Variants in CTBP2 observed in about 807,000 individuals in gnomAD.
CTBP2 encodes C-terminal-binding protein 2.
In CTBP2, 30 loss-of-function variants were observed where a neutral mutation model predicts 80.3. That is an observed-to-expected ratio of 0.37 (90% CI 0.28 to 0.51). The LOEUF (loss-of-function observed/expected upper bound fraction) is 0.51. Among genes scored for constraint, CTBP2 ranks in the 20% least tolerant of loss-of-function variants. The pLI, the probability that CTBP2 is intolerant of heterozygous loss-of-function variation, is 0.93. For synonymous variants in CTBP2, 594 were observed against 587.4 expected, an observed-to-expected ratio of 1.01 and a Z score of -0.16; for missense variants, 1,212 against 1,375.3, an observed-to-expected ratio of 0.88 and a Z score of 1.88.
intron 1 of CTBP2, among the ~76,000 whole-genome samples, chr10:125,138,800 T>C (rs145135610): frequency 3.9e-4 from 60 of 152,328 alleles, no homozygotes; most frequent in African/African-American, 1.4e-3. Context: ...ACCTTGATTC[T>C]TGGGTGCAAG....
Position 124,993,349 on chromosome 10 carries a change from A to G in CTBP2, c.2532-20T>C, listed in dbSNP as rs1952976990. On this transcript the variant is annotated intron_variant, in intron 6 of 8. Coordinates refer to ENST00000309035, the MANE Select transcript of CTBP2 (RefSeq NM_022802.3). Reference sequence around the variant, plus strand: ...GCAAAGCTAGAAAAATGTAGAAAAAACAGAGTAAGCGGGAAATGTCGCATA... The same window carrying G: ...GCAAAGCTAGAAAAATGTAGAAAAAGCAGAGTAAGCGGGAAATGTCGCATA... 6.2e-7 allele frequency: 1 copy of G among 1,603,156 alleles called. No individual in the cohort carries two copies. The highest frequency in any genetic ancestry group is 8.5e-7 in the Non-Finnish European group (1 of 1,171,260).
chr10:124,989,752 T>C (rs915673508), intron 8 of CTBP2, 54 bp from the exon 11 acceptor site: 11 of 1,475,124 alleles, frequency 7.5e-6, no homozygotes, highest in Non-Finnish European at 1.0e-5. Context: ...GTTGCCAAGC[T>C]CTTGGCTCTT....
intron 2 of CTBP2, among the ~76,000 whole-genome samples, chr10:125,106,548 G>A (rs1174681698): frequency 3.3e-5 from 5 of 152,190 alleles, no homozygotes; most frequent in African/African-American, 1.2e-4. Flanking sequence ...TGAGGATCAC[G>A]GAAAGAGAAG....
At chr10:125,081,927 A>T (rs533988441) in intron 2 of CTBP2, among the ~76,000 whole-genome samples, 2 of 151,976 alleles carry the variant, frequency 1.3e-5, no homozygotes, top group Admixed American at 1.3e-4. Flanking sequence ...GTGGCCACCG[A>T]GAACCCACCC....
At chr10:125,094,361 G>C (rs1283326115) in intron 2 of CTBP2, among the ~76,000 whole-genome samples, 2 of 152,204 alleles carry the variant, frequency 1.3e-5, no homozygotes, top group Non-Finnish European at 1.5e-5. Context: ...CAGGCATGTG[G>C]CGACGGCTCA....
chr10:125,039,566 C>T (rs771512910), intron 2 of CTBP2, among the ~76,000 whole-genome samples: 2 of 152,208 alleles, frequency 1.3e-5, no homozygotes, highest in African/African-American at 2.4e-5. Flanking sequence ...CACACCGTGG[C>T]GACTCGAGGG....
chr10:125,107,335 C>T lies in CTBP2; in HGVS notation c.-102+3655G>A, dbSNP rs148811031. The stretch of plus-strand genomic sequence containing the variant: ...GCCCAAACACTGGAGCAGGATCACA[C>T]GGCCCTAGCAAAGGCCCCACGGATG... On this transcript the variant is annotated intron_variant, in intron 2 of 10. Transcript: ENST00000337195. Among the ~76,000 whole-genome samples, 233 of 152,334 alleles carry T rather than the reference C, an allele frequency of 1.5e-3. 4 individuals carry two copies. The East Asian group carries it at 0.017, about 11-fold the overall frequency.
chr10:125,106,896 AC>A (rs1441776345), intron 2 of CTBP2, among the ~76,000 whole-genome samples: 2 of 152,240 alleles, frequency 1.3e-5, no homozygotes, highest in Non-Finnish European at 2.9e-5. Flanking sequence ...GGAGGGCGTG[AC>A]CCCTGTGTGA....
chr10:125,070,214 G>A (rs1490160834), intron 2 of CTBP2, among the ~76,000 whole-genome samples: 1 of 152,122 alleles, frequency 6.6e-6, no homozygotes, highest in Non-Finnish European at 1.5e-5. Flanking sequence ...AGCCAGGTGT[G>A]GTGGCACGTG....
At chr10:125,018,582 A>C (rs1956747651) in intron 1 of CTBP2, among the ~76,000 whole-genome samples, 1 of 147,444 alleles carries the variant, frequency 6.8e-6, no homozygotes, top group African/African-American at 2.5e-5. Flanking sequence ...CAAACAAACA[A>C]ACAAACTCCA....
intron 1 of CTBP2, among the ~76,000 whole-genome samples, chr10:125,023,713 A>G (rs1354914715): frequency 1.3e-5 from 2 of 152,244 alleles, no homozygotes; most frequent in Non-Finnish European, 2.9e-5. Flanking sequence ...ATAGGAGCCT[A>G]TTGTGTGTAT....
intron 3 of CTBP2, among the ~76,000 whole-genome samples, chr10:125,033,831 C>G (rs1024423255): frequency 6.6e-6 from 1 of 152,088 alleles, no homozygotes; most frequent in African/African-American, 2.4e-5. Flanking sequence ...CCAGGGGCTC[C>G]GGGCCACACT....
chr10:125,083,809 T>C (rs1424845624), intron 2 of CTBP2, among the ~76,000 whole-genome samples: 3 of 152,072 alleles, frequency 2.0e-5, no homozygotes, highest in African/African-American at 7.2e-5. Context: ...TGAGACGGAG[T>C]CTTGCTCTGT....
In CTBP2 at chr10:124,988,201, C is replaced by T. The variant is rs967888324; in HGVS notation, c.*1317G>A. 7.9e-5 allele frequency: 12 copies of T among 152,496 alleles called. No individual in the cohort carries two copies. Among genetic ancestry groups the T allele is most frequent in the Admixed American group, 5.2e-4 (8 of 15,276 alleles). The allele number at this position is 152,496 out of a possible 1,614,324, so 9.4% of individuals were successfully genotyped here. On this transcript the variant is annotated 3_prime_UTR_variant, in exon 9 of 9. Coordinates refer to ENST00000309035, the MANE Select transcript of CTBP2 (RefSeq NM_022802.3). ...GTTATCACAGGTAATTAATTGTCAGCGGTCTTGAGTCTGGTTATGGAACCC... is the reference window on the plus strand; with the variant it reads ...GTTATCACAGGTAATTAATTGTCAGTGGTCTTGAGTCTGGTTATGGAACCC...
At chr10:125,128,746 TG>T (rs949162711) in intron 1 of CTBP2, among the ~76,000 whole-genome samples, 2 of 152,264 alleles carry the variant, frequency 1.3e-5, no homozygotes, top group Non-Finnish European at 2.9e-5. Context: ...ATAACCACTT[TG>T]TAAGACTAAA....
intron 2 of CTBP2, among the ~76,000 whole-genome samples, chr10:125,089,380 C>T (rs759440105): frequency 3.3e-5 from 5 of 152,128 alleles, no homozygotes; most frequent in Non-Finnish European, 7.4e-5. Context: ...TGTGAAAGAG[C>T]CGACCAAACT....
chr10:125,141,495 G>A (rs1044171449), intron 1 of CTBP2, among the ~76,000 whole-genome samples: 11 of 152,130 alleles, frequency 7.2e-5, no homozygotes, highest in Admixed American at 5.9e-4. Flanking sequence ...ACAAAAAGGT[G>A]GCCATCCTGA....
chr10:125,055,303 G>A (rs754280148), intron 2 of CTBP2, among the ~76,000 whole-genome samples: 18 of 152,192 alleles, frequency 1.2e-4, no homozygotes, highest in Admixed American at 2.6e-4. Context: ...ACCATGAGCC[G>A]AGGCAGGAGC....
intron 2 of CTBP2, among the ~76,000 whole-genome samples, chr10:125,099,672 AAGG>A (rs571443004): frequency 2.1e-4 from 32 of 152,270 alleles, no homozygotes; most frequent in Non-Finnish European, 3.7e-4. Flanking sequence ...CCCATGGCTA[AAGG>A]AGAACCCAAA....
Sources: gnomAD v4.1 joint callset for allele counts (sites outside exome capture counted in the v4.1 genomes callset) on GRCh38, gnomAD v4.1.1 for gene constraint, MANE v1.5 for transcripts, NCBI Gene and HGNC (gene_info 2026-07-23, HGNC 2026-07-21) for gene names.